PTPRT: variants seen among roughly 807,000 people sequenced by gnomAD.
PTPRT encodes protein tyrosine phosphatase receptor type T, also known as receptor-type tyrosine-protein phosphatase T.
In PTPRT, 56 loss-of-function variants were observed where a neutral mutation model predicts 176.8. The observed-to-expected ratio is 0.32, with a 90% confidence interval of 0.26 to 0.40. The LOEUF is 0.40. Ranked by LOEUF, PTPRT falls within the 10% of genes least tolerant of loss-of-function variation. PTPRT has a pLI of 1.00. For missense variants in PTPRT, 1,540 were observed against 1,908.2 expected (o/e 0.81, Z 3.60); for synonymous variants, 783 against 739.0 (o/e 1.06, Z -0.96).
chr20:42,248,684 C>T lies in PTPRT; in HGVS notation c.2312+3G>A. 1.9e-6 allele frequency: 3 copies of T among 1,613,728 alleles called. No homozygotes were observed. The highest frequency in any genetic ancestry group is 2.5e-6 in the Non-Finnish European group (3 of 1,179,774). On this transcript the variant is annotated splice_donor_region_variant and intron_variant, in intron 14 of 30. Transcript: ENST00000373187. The stretch of plus-strand genomic sequence containing the variant: ...AGTCTTGCAGGCAGCAGCAGAGACT[C>T]ACCTCCTTTTGATGGTGAGCATCAC...
chr20:42,380,644 C>T (rs1002757622), intron 9 of PTPRT, among the ~76,000 whole-genome samples: 7 of 152,204 alleles, frequency 4.6e-5, no homozygotes, highest in Admixed American at 2.6e-4. Flanking sequence ...CTTGGTCCTA[C>T]GGCTCTTAGC....
intron 5 of PTPRT, among the ~76,000 whole-genome samples, chr20:42,763,465 A>T (rs899644108): frequency 5.9e-5 from 9 of 151,988 alleles, no homozygotes; most frequent in African/African-American, 2.2e-4. Flanking sequence ...CAAAATAATA[A>T]AAAAAAATGA....
intron 16 of PTPRT, among the ~76,000 whole-genome samples, chr20:42,163,792 A>G (rs532115046): frequency 1.3e-5 from 2 of 152,390 alleles, no homozygotes; most frequent in South Asian, 4.1e-4. Flanking sequence ...AGGCAGATCC[A>G]GAGACTGTGA....
chr20:42,926,114 G>A (rs1979468079), intron 1 of PTPRT, among the ~76,000 whole-genome samples: 1 of 152,214 alleles, frequency 6.6e-6, no homozygotes, highest in African/African-American at 2.4e-5. Flanking sequence ...AGGCCAGCCT[G>A]TGGGTCTGAC....
chr20:42,811,644 C>G (rs760059216), intron 2 of PTPRT, among the ~76,000 whole-genome samples: 1 of 152,136 alleles, frequency 6.6e-6, no homozygotes, highest in South Asian at 2.1e-4. Context: ...TATCACACTT[C>G]CCCTCAACTT....
chr20:42,282,301 T>C (rs999858358), intron 13 of PTPRT, among the ~76,000 whole-genome samples, 188 bp downstream of exon 13: 6 of 152,224 alleles, frequency 3.9e-5, no homozygotes, highest in Non-Finnish European at 8.8e-5. Context: ...AAACTTTTAC[T>C]CTATTTTACG....
chr20:43,089,695 T>C (rs1407131728), intron 1 of PTPRT, among the ~76,000 whole-genome samples: 2 of 152,132 alleles, frequency 1.3e-5, no homozygotes, highest in Non-Finnish European at 2.9e-5. Context: ...CATGGGTGGA[T>C]ACAGATACCA....
At chr20:42,065,477 C>T in the PTPRT span, among the ~76,000 whole-genome samples, 1 of 152,322 alleles carries the variant, frequency 6.6e-6, no homozygotes, top group Non-Finnish European at 1.5e-5. Context: ...TGGTTTATTT[C>T]TCATACACAC....
At chr20:42,634,063 TA>T (rs1382407805) in intron 7 of PTPRT, among the ~76,000 whole-genome samples, 2,762 of 43,722 alleles carry the variant, frequency 0.063, 440 homozygotes, top group African/African-American at 0.28. Flanking sequence ...TATAAATATA[TA>T]ATATATATAT....
At chr20:42,492,025 C>G (rs533400886) in intron 7 of PTPRT, among the ~76,000 whole-genome samples, 22 of 152,260 alleles carry the variant, frequency 1.4e-4, no homozygotes, top group South Asian at 4.1e-4. Flanking sequence ...ATAGTTTGCT[C>G]TTTTTATTCC....
chr20:42,569,503 A>G (rs1354896779), intron 7 of PTPRT, among the ~76,000 whole-genome samples: 3 of 152,146 alleles, frequency 2.0e-5, no homozygotes, highest in Non-Finnish European at 2.9e-5. Context: ...TCAACTAATG[A>G]TTGTTGCTAT....
At chr20:42,877,979 A>C (rs2078961863) in intron 2 of PTPRT, among the ~76,000 whole-genome samples, 1 of 152,260 alleles carries the variant, frequency 6.6e-6, no homozygotes, top group African/African-American at 2.4e-5. Context: ...AGTCATGGGC[A>C]AATGTCCAGG....
chr20:42,231,944 C>T (rs117292925), intron 15 of PTPRT, among the ~76,000 whole-genome samples: 4,146 of 152,130 alleles, frequency 0.027, 85 homozygotes, highest in Middle Eastern at 0.075. Context: ...ATATAGAATT[C>T]CTCTGCTCCT....
chr20:42,686,642 G>A (rs369313715), intron 6 of PTPRT, among the ~76,000 whole-genome samples: 14 of 151,764 alleles, frequency 9.2e-5, no homozygotes, highest in East Asian at 3.9e-4. Context: ...ACAGGCATGC[G>A]CCACCATGCC....
At chr20:42,474,013 G>A (rs532351395) in intron 7 of PTPRT, among the ~76,000 whole-genome samples, 5 of 152,262 alleles carry the variant, frequency 3.3e-5, no homozygotes, top group African/African-American at 9.6e-5. Context: ...AGGGGGAAGA[G>A]GAAGTTAGAT....
chr20:42,340,840 GA>G (rs1177324051), intron 11 of PTPRT, among the ~76,000 whole-genome samples: 5 of 151,936 alleles, frequency 3.3e-5, no homozygotes, highest in South Asian at 2.1e-4. Context: ...AAAGTCAGCA[GA>G]AAAAAAAGTT....
intron 6 of PTPRT, among the ~76,000 whole-genome samples, chr20:42,698,662 G>C (rs1240127326): frequency 6.6e-6 from 1 of 152,156 alleles, no homozygotes; most frequent in Admixed American, 6.5e-5. Flanking sequence ...TTCCCTAGTT[G>C]TCTCCAATAT....
chr20:42,125,584 G>A (rs1466801000), intron 19 of PTPRT, among the ~76,000 whole-genome samples: 1 of 152,194 alleles, frequency 6.6e-6, no homozygotes, highest in Non-Finnish European at 1.5e-5. Flanking sequence ...TCAGTTGTGT[G>A]ACCTTGGACA....
chr20:43,108,568 T>C (rs1600719045), intron 1 of PTPRT, among the ~76,000 whole-genome samples: 2 of 152,124 alleles, frequency 1.3e-5, no homozygotes, highest in East Asian at 3.9e-4. Flanking sequence ...GAGACAGGGT[T>C]GGGGGCGGGG....
Sources: allele counts gnomAD v4.1 joint callset (sites outside exome capture counted in the v4.1 genomes callset), GRCh38; gene constraint gnomAD v4.1.1; transcripts MANE v1.5; gene names NCBI Gene and HGNC (gene_info 2026-07-23, HGNC 2026-07-21).